Variants in NHS observed in about 807,000 individuals in gnomAD.
The protein encoded by NHS is NHS actin remodeling regulator, also known as actin remodeling regulator NHS.
A neutral mutation model predicts 72.5 loss-of-function variants in NHS; 5 were observed. That is an observed-to-expected ratio of 0.07 (90% CI 0.04 to 0.14). NHS has a LOEUF of 0.14. NHS is among the 10% of genes least tolerant of loss of function. The probability of loss-of-function intolerance (pLI) is 1.00; values close to 1 mark genes in which losing one functional copy is unlikely to be tolerated. For synonymous variants in NHS, 464 were observed against 547.7 expected, an observed-to-expected ratio of 0.85 and a Z score of 2.13; for missense variants, 1,072 against 1,355.7, an observed-to-expected ratio of 0.79 and a Z score of 3.29.
At chrX:17,448,638 A>G (rs956690904) in intron 1 of NHS, among the ~76,000 whole-genome samples, 8 of 111,719 alleles carry the variant, frequency 7.2e-5, no homozygotes, top group Non-Finnish European at 1.1e-4. Context: ...TTCCTTATGA[A>G]TGAGGTTCCT....
intron 1 of NHS, among the ~76,000 whole-genome samples, chrX:17,468,304 C>G (rs1174605012): frequency 9.0e-6 from 1 of 111,286 alleles, no homozygotes; most frequent in Non-Finnish European, 1.9e-5. Context: ...AAATCTTTCT[C>G]TTGGAGCTTG....
At chrX:17,662,621 T>C (rs188436666) in intron 1 of NHS, among the ~76,000 whole-genome samples, 1 of 112,175 alleles carries the variant, frequency 8.9e-6, no homozygotes, top group East Asian at 2.8e-4. Context: ...TGCAGAATAC[T>C]AATAGGTGGT....
chrX:17,669,615 T>C (rs2066032900), intron 1 of NHS, among the ~76,000 whole-genome samples: 1 of 111,689 alleles, frequency 9.0e-6, no homozygotes, highest in Admixed American at 9.5e-5. Context: ...CTAGTCTTGA[T>C]CCACTAGAGG....
intron 1 of NHS, among the ~76,000 whole-genome samples, chrX:17,617,681 T>G (rs955497014): frequency 1.8e-5 from 2 of 112,375 alleles, no homozygotes; most frequent in Non-Finnish European, 3.8e-5. Context: ...AGGAATTGAT[T>G]TCCCCAGAAT....
At chrX:17,416,593 T>C (rs920373940) in intron 1 of NHS, among the ~76,000 whole-genome samples, 2 of 112,640 alleles carry the variant, frequency 1.8e-5, no homozygotes, top group Non-Finnish European at 3.7e-5. Flanking sequence ...CAGATATTTC[T>C]CTTAACAGTA....
intron 1 of NHS, chrX:17,635,458 C>G (rs1002467253): frequency 1.1e-5 from 13 of 1,164,697 alleles, no homozygotes; most frequent in South Asian, 1.9e-5. Context: ...CCATCCCCCC[C>G]GCCGTGCTTG....
intron 1 of NHS, among the ~76,000 whole-genome samples, chrX:17,571,706 T>C (rs1313875007): frequency 1.8e-5 from 2 of 112,007 alleles, no homozygotes; most frequent in African/African-American, 3.3e-5. Context: ...TGTCTTCTGC[T>C]AGCTTTTGAA....
intron 1 of NHS, among the ~76,000 whole-genome samples, chrX:17,570,323 T>C (rs1569284361): frequency 8.9e-6 from 1 of 112,386 alleles, no homozygotes; most frequent in Non-Finnish European, 1.9e-5. Flanking sequence ...TTTTCCATTG[T>C]TTGTGTCCTC....
At chrX:17,469,951 GTTTGTTT>G (rs373123840) in intron 1 of NHS, among the ~76,000 whole-genome samples, 42 of 111,560 alleles carry the variant, frequency 3.8e-4, no homozygotes, top group African/African-American at 1.2e-3. Context: ...TTGCTTGTTT[GTTTGTTT>G]TTTGTTTTTT....
rs57700886 is a variant in NHS, at chrX:17,541,767, AACACAC to A, written c.566-145932_566-145927del. 2.7e-3 allele frequency among the ~76,000 whole-genome samples: 173 copies of A among 62,909 alleles called. 1 individual carries two copies. The highest frequency in any genetic ancestry group is 7.8e-3 in the African/African-American group (105 of 13,518). 54.6% of individuals were successfully genotyped at this position (62,909 alleles called of 115,157 possible). On this transcript the variant is annotated intron_variant, in intron 1 of 8. Transcript: ENST00000676302. Reference sequence around the variant, plus strand: ...AGAGCCCAAGGTATCTGAGTTTGCGAACACACACACACACACACACACACACACACA... The same window carrying A: ...AGAGCCCAAGGTATCTGAGTTTGCGAACACACACACACACACACACACACA...
At chrX:17,698,059 G>C (rs776311595) in intron 3 of NHS, among the ~76,000 whole-genome samples, 351 of 111,274 alleles carry the variant, frequency 3.2e-3, no homozygotes, top group African/African-American at 0.011. Context: ...ACATTTATCA[G>C]AGTTTAGTCA....
chrX:17,579,683 G>GCCCTGC (rs1263249775), intron 1 of NHS, among the ~76,000 whole-genome samples: 1 of 111,194 alleles, frequency 9.0e-6, no homozygotes, highest in Non-Finnish European at 1.9e-5. Context: ...TACTATGAGT[G>GCCCTGC]CCCTGCCCCT....
intron 3 of NHS, among the ~76,000 whole-genome samples, chrX:17,692,732 A>T (rs1315059746): frequency 9.0e-6 from 1 of 111,335 alleles, no homozygotes; most frequent in Non-Finnish European, 1.9e-5. Flanking sequence ...GAAAAAAAAT[A>T]CATACTTCAA....
chrX:17,591,320 C>G (rs1433434876), intron 1 of NHS, among the ~76,000 whole-genome samples: 1 of 111,554 alleles, frequency 9.0e-6, no homozygotes, highest in Non-Finnish European at 1.9e-5. Flanking sequence ...AATAGGCACC[C>G]CTGGTTGGAT....
chrX:17,481,857 A>G (rs985973000), intron 1 of NHS, among the ~76,000 whole-genome samples: 2 of 112,095 alleles, frequency 1.8e-5, no homozygotes, highest in African/African-American at 3.2e-5. Context: ...CTTGTTCTTA[A>G]ACTTCATGTA....
At position 17,724,288 on chromosome X, in the gene NHS, G is replaced by A; in HGVS notation, c.1109-11G>A. ...TTTCTAAAGCTAATGAGACCTATTT[G>A]TGGGTTGCAGGAGTTGGCTTTGACA... On this transcript the variant is annotated splice_polypyrimidine_tract_variant and intron_variant, in intron 5 of 8. Transcript: ENST00000676302. 7 of 1,211,601 alleles carry A rather than the reference G, an allele frequency of 5.8e-6. No individual in the cohort carries two copies. The highest frequency in any genetic ancestry group is 7.8e-6 in the Non-Finnish European group (7 of 895,365).
intron 1 of NHS, among the ~76,000 whole-genome samples, chrX:17,538,940 CA>C (rs2065248307): frequency 8.9e-6 from 1 of 112,277 alleles, no homozygotes; most frequent in Non-Finnish European, 1.9e-5. Context: ...GCCTCCCTTT[CA>C]GCCAGGCTTT....
intron 1 of NHS, among the ~76,000 whole-genome samples, chrX:17,545,621 T>G (rs2065288975): frequency 8.9e-6 from 1 of 112,021 alleles, no homozygotes; most frequent in South Asian, 3.7e-4. Context: ...GTTCAATAAA[T>G]ATTTTTGGAG....
At chrX:17,676,669 T>A (rs943756545) in intron 1 of NHS, among the ~76,000 whole-genome samples, 2 of 112,473 alleles carry the variant, frequency 1.8e-5, no homozygotes, top group Non-Finnish European at 3.8e-5. Context: ...GTGGGGCTGA[T>A]GAAGTAAGGA....
Sources: allele counts gnomAD v4.1 joint callset (sites outside exome capture counted in the v4.1 genomes callset), GRCh38; gene constraint gnomAD v4.1.1; transcripts MANE v1.5; gene names NCBI Gene and HGNC (gene_info 2026-07-23, HGNC 2026-07-21).